The following CADM2 variants were observed in gnomAD, a reference collection of about 807,000 sequenced individuals.
The protein encoded by CADM2 is cell adhesion molecule 2, also known as immunoglobulin superfamily member 4D.
CADM2 carries 12 observed loss-of-function variants against 49.8 expected under a neutral mutation model. The observed-to-expected ratio is 0.24, with a 90% CI of 0.15 to 0.39. The LOEUF (loss-of-function observed/expected upper bound fraction) is 0.39, where lower values mean the gene tolerates loss of function less well. Among genes scored for constraint, CADM2 ranks in the 10% least tolerant of loss-of-function variants. The pLI, the probability that CADM2 is intolerant of heterozygous loss-of-function variation, is 1.00. For synonymous variants in CADM2, 214 were observed against 175.4 expected (o/e 1.22, Z -1.74); for missense variants, 378 against 492.3 (o/e 0.77, Z 2.20).
At chr3:85,063,330 A>C (rs2107451190) in intron 1 of CADM2, among the ~76,000 whole-genome samples, 2 of 152,094 alleles carry the variant, frequency 1.3e-5, no homozygotes, top group South Asian at 4.1e-4. Flanking sequence ...TTTCATTCTA[A>C]ATTGGGATAT....
intron 1 of CADM2, among the ~76,000 whole-genome samples, chr3:85,100,348 A>C (rs1469013424): frequency 6.6e-6 from 1 of 152,190 alleles, no homozygotes; most frequent in Non-Finnish European, 1.5e-5. Context: ...TCAAGCGTGC[A>C]GTGATTATTA....
At chr3:85,938,707 C>A (rs1389947184) in intron 7 of CADM2, among the ~76,000 whole-genome samples, 1 of 151,920 alleles carries the variant, frequency 6.6e-6, no homozygotes. Context: ...CACTGAGAAG[C>A]AATACTATAG....
At position 85,176,726 on chromosome 3, in the gene CADM2, CTGT is replaced by C. The variant is rs373909365; in HGVS notation, c.61+217060_61+217062del. The stretch of plus-strand genomic sequence containing the variant: ...CTAATGCTCTGTAGGCTTTTGGTAT[CTGT>C]TTGATGAAACTACTACAAAAGATAA... On this transcript the variant is annotated intron_variant, in intron 1 of 9. Transcript: ENST00000383699. 1.1e-3 allele frequency among the ~76,000 whole-genome samples: 164 copies of C among 152,226 alleles called. 1 individual carries two copies. The South Asian group carries it at 0.021, about 19-fold the overall frequency.
chr3:85,938,378 TTAG>T (rs1309442525), intron 7 of CADM2, among the ~76,000 whole-genome samples: 1 of 151,418 alleles, frequency 6.6e-6, no homozygotes, highest in East Asian at 1.9e-4. Context: ...AATCAGGGAG[TTAG>T]TAGGTAGTAG....
chr3:85,300,608 A>T (rs1048215572), intron 1 of CADM2, among the ~76,000 whole-genome samples: 2 of 152,138 alleles, frequency 1.3e-5, no homozygotes, highest in Non-Finnish European at 2.9e-5. Context: ...ATGATCCAAG[A>T]TCAAGAAACT....
intron 3 of CADM2, among the ~76,000 whole-genome samples, chr3:85,804,981 T>C (rs1293036009): frequency 1.3e-5 from 2 of 152,122 alleles, no homozygotes; most frequent in Non-Finnish European, 2.9e-5. Context: ...TCTCATTTTG[T>C]TGCTCAGGGA....
chr3:85,559,582 T>C (rs2062038928), intron 1 of CADM2, among the ~76,000 whole-genome samples: 1 of 151,848 alleles, frequency 6.6e-6, no homozygotes, highest in South Asian at 2.1e-4. Flanking sequence ...AATTTAATGC[T>C]CCACTTTAAA....
At chr3:85,837,701 T>C (rs2074467761) in intron 3 of CADM2, among the ~76,000 whole-genome samples, 1 of 151,782 alleles carries the variant, frequency 6.6e-6, no homozygotes, top group Non-Finnish European at 1.5e-5. Context: ...ACAAACAATA[T>C]ACTGCTTAAA....
At chr3:85,004,898 A>T (rs1559612433) in intron 1 of CADM2, among the ~76,000 whole-genome samples, 1 of 152,152 alleles carries the variant, frequency 6.6e-6, no homozygotes, top group Non-Finnish European at 1.5e-5. Context: ...GACTGAATAC[A>T]GTGGCAAATA....
chr3:85,780,341 T>G (rs2070574416), intron 2 of CADM2, among the ~76,000 whole-genome samples: 1 of 152,200 alleles, frequency 6.6e-6, no homozygotes. Flanking sequence ...CCCACTCTTG[T>G]CCTCAATCTT....
intron 1 of CADM2, among the ~76,000 whole-genome samples, chr3:85,182,657 A>G (rs775379240): frequency 6.6e-6 from 1 of 152,062 alleles, no homozygotes. Flanking sequence ...TAAAAAGCTA[A>G]CATCGGGGAA....
chr3:85,286,982 A>T (rs1192116717), intron 1 of CADM2, among the ~76,000 whole-genome samples: 2 of 152,200 alleles, frequency 1.3e-5, no homozygotes, highest in African/African-American at 2.4e-5. Flanking sequence ...ATATTATGAG[A>T]AGCCTCATCA....
chr3:85,194,947 A>G (rs1259390925), intron 1 of CADM2, among the ~76,000 whole-genome samples: 1 of 152,056 alleles, frequency 6.6e-6, no homozygotes, highest in Non-Finnish European at 1.5e-5. Context: ...GGCTAAAGCA[A>G]TCCTCCTGCC....
intron 8 of CADM2, among the ~76,000 whole-genome samples, chr3:86,057,697 G>A (rs1738154905): frequency 6.6e-6 from 1 of 152,046 alleles, no homozygotes; most frequent in Non-Finnish European, 1.5e-5. Flanking sequence ...ATAATTCAAG[G>A]ATAATTGACA....
chr3:85,324,271 AG>A (rs2107119920), intron 1 of CADM2, among the ~76,000 whole-genome samples: 1 of 152,330 alleles, frequency 6.6e-6, no homozygotes, highest in Non-Finnish European at 1.5e-5. Flanking sequence ...AATAGTATAT[AG>A]GAATACTGAA....
intron 2 of CADM2, among the ~76,000 whole-genome samples, chr3:85,780,672 T>C (rs1205674686): frequency 6.6e-6 from 1 of 152,132 alleles, no homozygotes; most frequent in Non-Finnish European, 1.5e-5. Flanking sequence ...ATGCTTCTGA[T>C]CTTTTATAAA....
chr3:86,037,659 C>T lies in CADM2; in HGVS notation c.971-27946C>T, dbSNP rs557895412. Among the ~76,000 whole-genome samples, 5 of 151,352 alleles carry T rather than the reference C, an allele frequency of 3.3e-5. No individual in the cohort carries two copies. In the South Asian group the frequency reaches 8.3e-4, roughly 25 times the overall value. Reference sequence around the variant, plus strand: ...AATCAATTATTATAAAGTTCTTAAACATTTATTTTAAGTATTTATTGTTAA... The same window carrying T: ...AATCAATTATTATAAAGTTCTTAAATATTTATTTTAAGTATTTATTGTTAA... On this transcript the variant is annotated intron_variant, in intron 8 of 9. Transcript: ENST00000383699.
At chr3:85,796,116 T>C (rs765681692) in intron 2 of CADM2, among the ~76,000 whole-genome samples, 1 of 152,242 alleles carries the variant, frequency 6.6e-6, no homozygotes, top group Non-Finnish European at 1.5e-5. Flanking sequence ...TATGTACTGG[T>C]TGATCATCAA....
chr3:85,583,862 G>C (rs1355773549), intron 1 of CADM2, among the ~76,000 whole-genome samples: 2 of 151,832 alleles, frequency 1.3e-5, no homozygotes, highest in Non-Finnish European at 2.9e-5. Flanking sequence ...TCAGAATCAA[G>C]ATTATGAAAT....
Sources: allele counts gnomAD v4.1 joint callset (sites outside exome capture counted in the v4.1 genomes callset), GRCh38; gene constraint gnomAD v4.1.1; transcripts MANE v1.5; gene names NCBI Gene and HGNC (gene_info 2026-07-23, HGNC 2026-07-21).